Variants in DENND2A observed in about 807,000 individuals in gnomAD.
DENND2A encodes the protein DENN domain-containing protein 2A.
Under a neutral mutation model 105.3 loss-of-function variants are expected in DENND2A, and 53 were observed. That is an observed-to-expected ratio of 0.50 (90% confidence interval 0.40 to 0.63). DENND2A has a LOEUF of 0.63. Ranked by LOEUF, DENND2A falls within the 30% of genes least tolerant of loss-of-function variation. The pLI is 0.00. For synonymous variants in DENND2A, 522 were observed against 508.4 expected (o/e 1.03, Z -0.36); for missense variants, 1,138 against 1,279.6 (o/e 0.89, Z 1.69).
At chr7:140,630,442 A>C (rs188666743) in intron 1 of DENND2A, among the ~76,000 whole-genome samples, 1 of 152,294 alleles carries the variant, frequency 6.6e-6, no homozygotes, top group East Asian at 1.9e-4. Flanking sequence ...GTCTACTGTG[A>C]GGGTTGCATA....
chr7:140,538,668 G>A (rs937894346), intron 14 of DENND2A, among the ~76,000 whole-genome samples: 4 of 150,284 alleles, frequency 2.7e-5, no homozygotes, highest in South Asian at 2.1e-4. Flanking sequence ...CACCATGCCC[G>A]CTAATTTTTG....
rs375125711 is a variant in DENND2A, at chr7:140,602,026, C to T, written c.372G>A (p.Pro124=). The change falls in exon 3 of 20, where the codon CCG becomes CCA. Residue 124 remains proline, a synonymous_variant. Coordinates refer to ENST00000496613, the MANE Select transcript of DENND2A (RefSeq NM_015689.5). ...GTTCTGGCTGGCTTAGGTCTTGCCCCGGCTCTGGGTCCTGTCCCCCGACGT... is the reference window on the plus strand; with the variant it reads ...GTTCTGGCTGGCTTAGGTCTTGCCCTGGCTCTGGGTCCTGTCCCCCGACGT... The part of the protein sequence containing the change: ...AVNVGGQDPE[P]GQDLSQPERE... The T allele has an allele frequency of 1.2e-5, 20 of 1,614,186 alleles. No homozygotes were observed. Among genetic ancestry groups the T allele is most frequent in the South Asian group, 8.8e-5 (8 of 91,080 alleles).
At chr7:140,613,699 G>A (rs114581579) in intron 1 of DENND2A, among the ~76,000 whole-genome samples, 1,984 of 149,986 alleles carry the variant, frequency 0.013, 35 homozygotes, top group African/African-American at 0.045. Context: ...AAAAACTACA[G>A]CTTAGATTGT....
intron 1 of DENND2A, among the ~76,000 whole-genome samples, chr7:140,633,123 C>G (rs269257): frequency 0.076 from 11,548 of 151,082 alleles, 1,430 homozygotes; most frequent in African/African-American, 0.26. Flanking sequence ...CCGCCTCCCG[C>G]GTTCACACCA....
At chr7:140,552,340 CCT>C (rs560033744) in intron 12 of DENND2A, among the ~76,000 whole-genome samples, 1 of 150,470 alleles carries the variant, frequency 6.6e-6, no homozygotes, top group African/African-American at 2.4e-5. Flanking sequence ...CCTTCCTTTC[CCT>C]CTCTCTCTCC....
intron 9 of DENND2A, among the ~76,000 whole-genome samples, chr7:140,561,423 T>C (rs1431710823): frequency 1.3e-5 from 2 of 152,034 alleles, no homozygotes; most frequent in Non-Finnish European, 2.9e-5. Flanking sequence ...CATATCTGAA[T>C]ATCTGAGGTT....
chr7:140,518,687 T>C lies in DENND2A; in HGVS notation c.*20A>G, dbSNP rs1326256362. ...AGCATAGGGCTGCACTAGGAGGAAGTTTTCCCTTGAGGCTGAGAGTTATTT... is the reference window on the plus strand; with the variant it reads ...AGCATAGGGCTGCACTAGGAGGAAGCTTTCCCTTGAGGCTGAGAGTTATTT... On this transcript the variant is annotated 3_prime_UTR_variant, in exon 20 of 20. Coordinates refer to ENST00000496613, the MANE Select transcript of DENND2A (RefSeq NM_015689.5). The C allele has an allele frequency of 2.5e-6, 4 of 1,612,390 alleles. No individual in the cohort carries two copies. In the Admixed American group the frequency reaches 6.7e-5, roughly 27 times the overall value.
intron 1 of DENND2A, among the ~76,000 whole-genome samples, chr7:140,615,429 C>T (rs1042829667): frequency 3.3e-5 from 5 of 152,262 alleles, no homozygotes; most frequent in African/African-American, 4.8e-5. Flanking sequence ...ACAAAAGCAC[C>T]GCACATCAAG....
In DENND2A at chr7:140,606,674, A is replaced by G. The variant is rs148254553; in HGVS notation, c.-247-868T>C. Among the ~76,000 whole-genome samples the G allele has an allele frequency of 8.5e-3, 1,287 of 152,262 alleles. 8 individuals are homozygous for G. The highest frequency in any genetic ancestry group is 0.013 in the Non-Finnish European group (870 of 68,018). On this transcript the variant is annotated intron_variant, in intron 1 of 19. Transcript: ENST00000496613. ...CCAAACTGAGGAGGAAGAAACAGCC[A>G]GTCACGAGGTCATCTGTCTGGTCTA...
At chr7:140,561,498 C>CTTTTTTTTTTTTTTT (rs536896244) in intron 9 of DENND2A, among the ~76,000 whole-genome samples, 4 of 102,518 alleles carry the variant, frequency 3.9e-5, no homozygotes, top group African/African-American at 7.3e-5. Flanking sequence ...TTTCTGTTGT[C>CTTTTTTTTTTTTTTT]TTTTTTTTTT....
intron 12 of DENND2A, among the ~76,000 whole-genome samples, chr7:140,548,600 G>C (rs1196687461): frequency 6.6e-6 from 1 of 151,382 alleles, no homozygotes; most frequent in East Asian, 1.9e-4. Flanking sequence ...TGAATTCAGA[G>C]GTTTTTTTAC....
intron 14 of DENND2A, among the ~76,000 whole-genome samples, chr7:140,540,617 G>A (rs1024850318): frequency 2.6e-5 from 4 of 152,226 alleles, no homozygotes; most frequent in Non-Finnish European, 5.9e-5. Context: ...GGAGGGGCTG[G>A]CCCAGCGTCC....
rs1355287728 is a variant in DENND2A, at chr7:140,618,084, T to G, written c.-247-12278A>C. Among the ~76,000 whole-genome samples, 4 of 152,152 alleles carry G rather than the reference T, an allele frequency of 2.6e-5. No individual in the cohort carries two copies. The East Asian group carries it at 7.7e-4, about 29-fold the overall frequency. ...CTTGGATAGGAACACTAAATTACAG[T>G]GTGTAGAAAGACTCAGTGGCGTCAG... On this transcript the variant is annotated intron_variant, in intron 1 of 19. Coordinates refer to ENST00000496613, the MANE Select transcript of DENND2A (RefSeq NM_015689.5).
At chr7:140,538,433 T>G (rs1213012960) in intron 14 of DENND2A, among the ~76,000 whole-genome samples, 1 of 152,152 alleles carries the variant, frequency 6.6e-6, no homozygotes, top group Admixed American at 6.6e-5. Flanking sequence ...TGGGCATGAG[T>G]GCATGTGCAG....
chr7:140,566,335 T>C (rs1382836342), intron 9 of DENND2A, among the ~76,000 whole-genome samples: 1 of 152,102 alleles, frequency 6.6e-6, no homozygotes, highest in East Asian at 1.9e-4. Context: ...CCTGGCCTCC[T>C]TTACATTCTT....
At position 140,640,227 on chromosome 7, in the gene DENND2A, G is replaced by C. The variant is rs1487129196; in HGVS notation, c.-248+277C>G. On this transcript the variant is annotated intron_variant, in intron 1 of 19. Coordinates refer to ENST00000496613, the MANE Select transcript of DENND2A (RefSeq NM_015689.5). This position sits in a 1 kb window ranked among gnomAD's most constrained non-coding sequence, Gnocchi z 4.9. Reference sequence around the variant, plus strand: ...CCCCGAGGGACCCAGCACGGCGCAGGGCGGGGGTCTACCGGCTTTCTGCAG... The same window carrying C: ...CCCCGAGGGACCCAGCACGGCGCAGCGCGGGGGTCTACCGGCTTTCTGCAG... 6.6e-6 allele frequency: 1 copy of C among 152,342 alleles called. No homozygotes were observed. The highest frequency in any genetic ancestry group is 2.4e-5 in the African/African-American group (1 of 41,450). 9.4% of individuals were successfully genotyped at this position (152,342 alleles called of 1,614,324 possible).
intron 3 of DENND2A, among the ~76,000 whole-genome samples, chr7:140,590,431 G>A (rs1411684757): frequency 2.6e-5 from 4 of 152,098 alleles, no homozygotes; most frequent in African/African-American, 7.2e-5. Context: ...TAATGCAAGC[G>A]GGAATCCAGA....
At chr7:140,519,558 A>G in intron 19 of DENND2A, 74 bp downstream of exon 19, 1 of 1,366,188 alleles carries the variant, frequency 7.3e-7, no homozygotes, top group South Asian at 1.2e-5. Flanking sequence ...GCTCCAGTGG[A>G]GGGAACCGGC....
At chr7:140,577,675 G>A (rs1210283431) in intron 5 of DENND2A, among the ~76,000 whole-genome samples, 1 of 152,132 alleles carries the variant, frequency 6.6e-6, no homozygotes, top group Non-Finnish European at 1.5e-5. Flanking sequence ...TGGGATTATA[G>A]GCGTGATCCA....
Sources: gnomAD v4.1 joint callset for allele counts (sites outside exome capture counted in the v4.1 genomes callset) on GRCh38, gnomAD v4.1.1 for gene constraint, Gnocchi (gnomAD v3.1) non-coding constraint, MANE v1.5 for transcripts, NCBI Gene and HGNC (gene_info 2026-07-23, HGNC 2026-07-21) for gene names.